LRRC7: variants seen among roughly 807,000 people sequenced by gnomAD.
LRRC7 encodes the protein leucine rich repeat containing 7.
Under a neutral mutation model 175.7 loss-of-function variants are expected in LRRC7, and 23 were observed. The ratio of observed to expected loss-of-function variants is 0.13; its 90% confidence interval spans 0.09 to 0.19. The LOEUF is 0.19. Among genes scored for constraint, LRRC7 ranks in the 10% least tolerant of loss-of-function variants. The pLI, the probability that LRRC7 is intolerant of heterozygous loss-of-function variation, is 1.00. For missense variants in LRRC7, 1,354 were observed against 1,904.7 expected (o/e 0.71, Z 5.38); for synonymous variants, 685 against 680.9 (o/e 1.01, Z -0.09).
At chr1:69,641,400 G>A (rs61782243) in intron 1 of LRRC7, among the ~76,000 whole-genome samples, 25,323 of 150,928 alleles carry the variant, frequency 0.17, 2,389 homozygotes, top group East Asian at 0.37. Flanking sequence ...TATTTATTTA[G>A]ACATATACAA....
intron 1 of LRRC7, among the ~76,000 whole-genome samples, chr1:69,663,700 A>ATTT (rs552339451): frequency 0.037 from 2,535 of 67,770 alleles, 279 homozygotes; most frequent in African/African-American, 0.041. Context: ...AATCGTTTTA[A>ATTT]TTTTTTTTTT....
chr1:69,920,676 A>T (rs1646864082), intron 7 of LRRC7, among the ~76,000 whole-genome samples: 1 of 152,154 alleles, frequency 6.6e-6, no homozygotes, highest in South Asian at 2.1e-4. Context: ...GAATCCCAGA[A>T]ATTGCAGAAA....
chr1:69,757,417 G>C (rs571214180), intron 2 of LRRC7, among the ~76,000 whole-genome samples: 108 of 152,028 alleles, frequency 7.1e-4, no homozygotes, highest in South Asian at 5.4e-3. Context: ...AATGAAGAGA[G>C]ACTGAGCCTC....
chr1:69,914,145 T>A (rs1345110552), intron 7 of LRRC7, among the ~76,000 whole-genome samples: 1 of 152,118 alleles, frequency 6.6e-6, no homozygotes, highest in African/African-American at 2.4e-5. Context: ...TGAGCACATT[T>A]GAAAAACAAG....
intron 24 of LRRC7, among the ~76,000 whole-genome samples, chr1:70,085,970 G>C (rs1224862221): frequency 6.6e-6 from 1 of 152,074 alleles, no homozygotes; most frequent in Non-Finnish European, 1.5e-5. Flanking sequence ...CATTTTTCCA[G>C]AGTAGTTTAT....
chr1:70,058,737 C>G (rs999300175), intron 23 of LRRC7, among the ~76,000 whole-genome samples: 2 of 152,186 alleles, frequency 1.3e-5, no homozygotes, highest in African/African-American at 4.8e-5. Flanking sequence ...ACCTGGGTAA[C>G]TTATCATTTT....
chr1:69,590,823 T>G (rs1449878858), intron 1 of LRRC7, among the ~76,000 whole-genome samples: 1 of 152,102 alleles, frequency 6.6e-6, no homozygotes, highest in African/African-American at 2.4e-5. Flanking sequence ...CATAAAAAAT[T>G]CATACAGGAA....
In LRRC7 at chr1:70,125,520, C is replaced by CG; in HGVS notation, c.*3635dup. ...TGAGCTAAAGAGAGAGGGCCGGGCG[C>CG]GGTGGCTCACGCCTGTAATCCCAGC... On this transcript the variant is annotated 3_prime_UTR_variant, in exon 27 of 27. Coordinates refer to ENST00000651989, the MANE Select transcript of LRRC7 (RefSeq NM_001370785.2). 6.6e-6 allele frequency among the ~76,000 whole-genome samples: 1 copy of CG among 152,244 alleles called. No individual in the cohort carries two copies. Among genetic ancestry groups the CG allele is most frequent in the African/African-American group, 2.4e-5 (1 of 41,562 alleles).
intron 1 of LRRC7, among the ~76,000 whole-genome samples, chr1:69,587,232 T>C (rs2100940118): frequency 6.6e-6 from 1 of 152,314 alleles, no homozygotes; most frequent in Admixed American, 6.5e-5. Flanking sequence ...CTTATGAGCA[T>C]ATGCTTTTTC....
chr1:69,972,314 C>G (rs1192087950), intron 8 of LRRC7, among the ~76,000 whole-genome samples: 1 of 152,158 alleles, frequency 6.6e-6, no homozygotes, highest in African/African-American at 2.4e-5. Context: ...ACAAAAGAAA[C>G]AGCAGAGTAA....
chr1:69,623,041 G>A (rs762399958), intron 1 of LRRC7, among the ~76,000 whole-genome samples: 2 of 152,236 alleles, frequency 1.3e-5, no homozygotes, highest in South Asian at 4.1e-4. Context: ...CTGTAAATCA[G>A]AGTTCAGGTT....
intron 11 of LRRC7, among the ~76,000 whole-genome samples, chr1:69,996,611 A>G (rs1654995932): frequency 6.6e-6 from 1 of 151,988 alleles, no homozygotes; most frequent in African/African-American, 2.4e-5. Context: ...TCAGCTTTCT[A>G]CATATGGCTA....
chr1:69,722,150 TA>T (rs1666432140), intron 2 of LRRC7, among the ~76,000 whole-genome samples: 6 of 152,104 alleles, frequency 3.9e-5, no homozygotes, highest in South Asian at 2.1e-4. Context: ...TATATATATA[TA>T]TATTTTCTCC....
chr1:69,755,351 T>C (rs932810724), intron 2 of LRRC7, among the ~76,000 whole-genome samples: 15 of 149,484 alleles, frequency 1.0e-4, no homozygotes, highest in South Asian at 2.2e-4. Context: ...TACACACACA[T>C]ATATATATAT....
Position 69,687,870 on chromosome 1 carries a change from A to G in LRRC7, c.100+9392A>G, listed in dbSNP as rs79243338. 7.8e-3 allele frequency among the ~76,000 whole-genome samples: 1,181 copies of G among 152,342 alleles called. 11 individuals are homozygous for G. Among genetic ancestry groups the G allele is most frequent in the African/African-American group, 0.027 (1,112 of 41,590 alleles). ...AATCATTTTGATTAGTGACATTCCT[A>G]CCTTCATAGTAGAAGCCATTGAATA... On this transcript the variant is annotated intron_variant, in intron 2 of 26. Transcript: ENST00000651989.
chr1:69,802,215 T>C (rs531747597), intron 4 of LRRC7, among the ~76,000 whole-genome samples: 117 of 151,740 alleles, frequency 7.7e-4, no homozygotes, highest in African/African-American at 2.7e-3. Flanking sequence ...AATCAAATGT[T>C]CTGTATGTCT....
At chr1:70,051,821 T>TA (rs1410748493) in intron 22 of LRRC7, among the ~76,000 whole-genome samples, 1 of 151,960 alleles carries the variant, frequency 6.6e-6, no homozygotes, top group Non-Finnish European at 1.5e-5. Flanking sequence ...GCAATGCCTT[T>TA]AAAAAAATGC....
intron 7 of LRRC7, among the ~76,000 whole-genome samples, chr1:69,888,541 G>T (rs983066401): frequency 3.3e-5 from 5 of 152,092 alleles, no homozygotes. Flanking sequence ...AGATGAACCC[G>T]GTACCTCAGA....
intron 4 of LRRC7, among the ~76,000 whole-genome samples, chr1:69,796,930 T>G (rs1385666984): frequency 6.6e-6 from 1 of 152,196 alleles, no homozygotes; most frequent in Non-Finnish European, 1.5e-5. Flanking sequence ...ACATTGTATA[T>G]GTTTTTGTTT....
Sources: allele counts gnomAD v4.1 joint callset (sites outside exome capture counted in the v4.1 genomes callset), GRCh38; gene constraint gnomAD v4.1.1; transcripts MANE v1.5; gene names NCBI Gene and HGNC (gene_info 2026-07-23, HGNC 2026-07-21).